ANK2: variants seen among roughly 807,000 people sequenced by gnomAD.
ANK2 encodes ankyrin 2, also known as ankyrin-2.
In ANK2, 83 loss-of-function variants were observed where a neutral mutation model predicts 360.5. The observed-to-expected ratio is 0.23, with a 90% CI of 0.19 to 0.28. The LOEUF is 0.28. Ranked by LOEUF, ANK2 falls within the 10% of genes least tolerant of loss-of-function variation. The pLI, the probability that ANK2 is intolerant of heterozygous loss-of-function variation, is 1.00. For synonymous variants in ANK2, 1,740 were observed against 1,759.5 expected (o/e 0.99, Z 0.28); for missense variants, 4,201 against 4,795.7 (o/e 0.88, Z 3.66).
At chr4:112,923,287 T>C (rs1209692573) in intron 2 of ANK2, among the ~76,000 whole-genome samples, 4 of 152,192 alleles carry the variant, frequency 2.6e-5, no homozygotes, top group Non-Finnish European at 2.9e-5. Context: ...AATGTTGTTG[T>C]TTCATTGCCT....
At chr4:112,844,099 T>C (rs80172156) in intron 1 of ANK2, among the ~76,000 whole-genome samples, 4,425 of 152,302 alleles carry the variant, frequency 0.029, 92 homozygotes, top group Middle Eastern at 0.044. Flanking sequence ...GTGAATAGTA[T>C]GTCAGACTCA....
chr4:112,986,657 A>G (rs751875749), intron 2 of ANK2, among the ~76,000 whole-genome samples: 6 of 152,236 alleles, frequency 3.9e-5, no homozygotes, highest in Non-Finnish European at 7.3e-5. Flanking sequence ...AGACATTTTT[A>G]TAGAAGGCAG....
intron 2 of ANK2, among the ~76,000 whole-genome samples, chr4:112,999,197 G>A (rs144694583): frequency 7.9e-5 from 12 of 152,072 alleles, no homozygotes; most frequent in Admixed American, 3.9e-4. Flanking sequence ...TAATTTCTTC[G>A]TGATTGAGAA....
chr4:112,878,007 C>T (rs759675105), intron 1 of ANK2, among the ~76,000 whole-genome samples: 4 of 152,206 alleles, frequency 2.6e-5, no homozygotes, highest in Admixed American at 6.5e-5. Flanking sequence ...GTTGGATTCT[C>T]AGGGTCCTGA....
At chr4:113,231,752 C>T (rs1225438273) in intron 4 of ANK2, among the ~76,000 whole-genome samples, 7 of 151,664 alleles carry the variant, frequency 4.6e-5, no homozygotes, top group Admixed American at 2.6e-4. Flanking sequence ...TACAGGCATG[C>T]GCCACCACGC....
chr4:112,966,683 A>G (rs1200102197), intron 2 of ANK2, among the ~76,000 whole-genome samples: 1 of 152,188 alleles, frequency 6.6e-6, no homozygotes, highest in Non-Finnish European at 1.5e-5. Flanking sequence ...ATATTTAGAT[A>G]TCACAACCAT....
intron 1 of ANK2, among the ~76,000 whole-genome samples, chr4:113,129,173 G>T (rs1230681402): frequency 6.6e-6 from 1 of 152,106 alleles, no homozygotes; most frequent in African/African-American, 2.4e-5. Context: ...GAATAAACAA[G>T]TAAATAAGTG....
chr4:112,863,656 G>C (rs1278203395), intron 1 of ANK2, among the ~76,000 whole-genome samples: 2 of 151,350 alleles, frequency 1.3e-5, no homozygotes, highest in African/African-American at 4.9e-5. Context: ...CCTAGTAGCC[G>C]GGACTGCAGG....
intron 4 of ANK2, among the ~76,000 whole-genome samples, chr4:113,204,343 G>T (rs1219838484): frequency 6.6e-6 from 1 of 152,108 alleles, no homozygotes; most frequent in Non-Finnish European, 1.5e-5. Flanking sequence ...TGGAGAATGG[G>T]TATGGTAAAT....
At chr4:112,938,770 T>G (rs1169203538) in intron 2 of ANK2, among the ~76,000 whole-genome samples, 6 of 152,180 alleles carry the variant, frequency 3.9e-5, no homozygotes, top group Non-Finnish European at 5.9e-5. Context: ...AGGGGAGATT[T>G]AAGACATGGG....
At chr4:113,311,049 G>C (rs2079689609) in intron 23 of ANK2, among the ~76,000 whole-genome samples, 2 of 152,078 alleles carry the variant, frequency 1.3e-5, no homozygotes, top group Non-Finnish European at 2.9e-5. Flanking sequence ...ACTTCTTCTT[G>C]GTAAGTACTA....
rs547965489 is a variant in ANK2, at chr4:113,324,965, A to G, written c.2901-5281A>G. On this transcript the variant is annotated intron_variant, in intron 26 of 45. Coordinates refer to ENST00000357077, the MANE Select transcript of ANK2 (RefSeq NM_001148.6). ...TCATGGTTTTCTCCTGCCTCCTCTG[A>G]AGCATGTACTGTTTAGCTAATCAAA... Among the ~76,000 whole-genome samples the G allele has an allele frequency of 1.1e-4, 17 of 152,334 alleles. No homozygotes were observed. In the South Asian group the frequency reaches 3.3e-3, roughly 30 times the overall value.
chr4:113,167,542 A>G (rs1172164911), intron 1 of ANK2, among the ~76,000 whole-genome samples: 1 of 151,470 alleles, frequency 6.6e-6, no homozygotes, highest in Non-Finnish European at 1.5e-5. Flanking sequence ...CAAGCAATCC[A>G]CCCTCCTCAG....
intron 1 of ANK2, among the ~76,000 whole-genome samples, chr4:113,134,856 T>G (rs966443363): frequency 2.0e-5 from 3 of 152,196 alleles, no homozygotes; most frequent in Non-Finnish European, 4.4e-5. Context: ...GTAGTTTAAG[T>G]TATCAAAATA....
At chr4:113,174,865 C>A (rs2098134134) in intron 2 of ANK2, among the ~76,000 whole-genome samples, 1 of 152,048 alleles carries the variant, frequency 6.6e-6, no homozygotes, top group Non-Finnish European at 1.5e-5. Context: ...TGACTATATG[C>A]ACTTTACTCA....
intron 4 of ANK2, among the ~76,000 whole-genome samples, chr4:113,231,208 C>T (rs1433331810): frequency 2.6e-5 from 4 of 151,922 alleles, no homozygotes; most frequent in African/African-American, 7.3e-5. Flanking sequence ...TGTGCCACCA[C>T]GCCTGGTTAA....
chr4:112,832,091 G>A (rs75796867), intron 1 of ANK2, among the ~76,000 whole-genome samples: 4,003 of 152,252 alleles, frequency 0.026, 163 homozygotes, highest in African/African-American at 0.09. Flanking sequence ...TCATTATGTC[G>A]CGCAGGCTGG....
At chr4:113,272,667 C>A (rs1444863963) in intron 14 of ANK2, among the ~76,000 whole-genome samples, 1 of 151,866 alleles carries the variant, frequency 6.6e-6, no homozygotes, top group Non-Finnish European at 1.5e-5. Context: ...GTCTAAGAAC[C>A]AAGGATCAAT....
At position 113,203,040 on chromosome 4, in the gene ANK2, A is replaced by G. The variant is rs540929168; in HGVS notation, c.384+3931A>G. ...ATTCAGTGACATGGAGGTCTCATCC[A>G]TGGTGCCGGAATTATGGAGTTAGAA... On this transcript the variant is annotated intron_variant, in intron 4 of 45. Coordinates refer to ENST00000357077, the MANE Select transcript of ANK2 (RefSeq NM_001148.6). 3.3e-5 allele frequency among the ~76,000 whole-genome samples: 5 copies of G among 152,300 alleles called. No individual in the cohort carries two copies. The South Asian group carries it at 1.0e-3, about 32-fold the overall frequency.
Sources: allele counts gnomAD v4.1 joint callset (sites outside exome capture counted in the v4.1 genomes callset), GRCh38; gene constraint gnomAD v4.1.1; transcripts MANE v1.5; gene names NCBI Gene and HGNC (gene_info 2026-07-23, HGNC 2026-07-21).